DEFB107B: variants seen among roughly 807,000 people sequenced by gnomAD.
The protein encoded by DEFB107B is defensin beta 107B.
chr8:7,497,959 C>T lies in DEFB107B; in HGVS notation c.70+1956C>T, dbSNP rs1295585951. On this transcript the variant is annotated intron_variant, in intron 1 of 1. Transcript: ENST00000355602. ...TTTGGAAAAGAAAAAGACACAGAGA[C>T]AAAGTATAGAGAAAGAAATAAGGGG... is the stretch of plus-strand genomic sequence containing the variant. Among the ~76,000 whole-genome samples the T allele has an allele frequency of 1.9e-4, 4 of 21,212 alleles. 2 individuals are homozygous for T. The highest frequency in any genetic ancestry group is 7.7e-4 in the Non-Finnish European group (4 of 5,200). The allele number at this position is 21,212 out of a possible 152,430, so 13.9% of individuals were successfully genotyped here.
At chr8:7,496,603 A>G (rs1321804601) in intron 1 of DEFB107B, among the ~76,000 whole-genome samples, 7 of 144,566 alleles carry the variant, frequency 4.8e-5, no homozygotes, top group Non-Finnish European at 7.6e-5. Flanking sequence ...CCTGGCCAGC[A>G]TATTCTAAAG....
chr8:7,506,334 G>A lies in DEFB107B; in HGVS notation c.71-2747G>A, dbSNP rs1811941449. ...ACTTGTCCTCAATGACCACGCTCGA[G>A]CGTACCTTCACCCTAGAGAAAAGCC... is the stretch of plus-strand genomic sequence containing the variant. On this transcript the variant is annotated intron_variant, in intron 1 of 1. Transcript: ENST00000355602. Among the ~76,000 whole-genome samples, 2 of 16,938 alleles carry A rather than the reference G, an allele frequency of 1.2e-4. 1 individual carries two copies. The highest frequency in any genetic ancestry group is 3.6e-3 in the South Asian group (2 of 550). The allele number at this position is 16,938 out of a possible 152,430, so 11.1% of individuals were successfully genotyped here.
intron 1 of DEFB107B, among the ~76,000 whole-genome samples, chr8:7,497,410 A>C (rs1481789226): frequency 6.6e-6 from 1 of 151,834 alleles, no homozygotes; most frequent in Non-Finnish European, 1.5e-5. Context: ...AATTATAAAG[A>C]GAAGTCATAG....
Position 7,498,009 on chromosome 8 carries a change from A to G in DEFB107B, c.70+2006A>G, listed in dbSNP as rs1585541761. Reference sequence around the variant, plus strand: ...GACCCGGGGAACCAGCATTCAGCATATGGAGGATCCCGCCAGCCTCTGAGT... The same window carrying G: ...GACCCGGGGAACCAGCATTCAGCATGTGGAGGATCCCGCCAGCCTCTGAGT... On this transcript the variant is annotated intron_variant, in intron 1 of 1. Transcript: ENST00000355602. Among the ~76,000 whole-genome samples the G allele has an allele frequency of 1.0e-4, 2 of 19,480 alleles. 1 individual carries two copies. Among genetic ancestry groups the G allele is most frequent in the Non-Finnish European group, 3.9e-4 (2 of 5,064 alleles). The allele number at this position is 19,480 out of a possible 152,430, so 12.8% of individuals were successfully genotyped here.
chr8:7,497,193 A>G (rs1350839447), intron 1 of DEFB107B, among the ~76,000 whole-genome samples: 1 of 150,584 alleles, frequency 6.6e-6, no homozygotes, highest in Non-Finnish European at 1.5e-5. Context: ...TAAAACGAAG[A>G]GGTAAAAATA....
intron 1 of DEFB107B, among the ~76,000 whole-genome samples, chr8:7,503,371 A>G (rs74787406): frequency 0.26 from 5,580 of 21,176 alleles, 2,513 homozygotes; most frequent in African/African-American, 0.47. Context: ...TACCCACACC[A>G]GTTTTTCTGT....
At chr8:7,507,899 A>C (rs1271622438) in intron 1 of DEFB107B, among the ~76,000 whole-genome samples, 2 of 146,720 alleles carry the variant, frequency 1.4e-5, no homozygotes, top group Admixed American at 6.7e-5. Flanking sequence ...AAAAGTCTGA[A>C]GGTAAAACTG....
intron 1 of DEFB107B, among the ~76,000 whole-genome samples, chr8:7,496,522 G>A (rs1390944607): frequency 2.6e-5 from 4 of 151,938 alleles, no homozygotes; most frequent in South Asian, 2.1e-4. Context: ...GGATGGTCTT[G>A]ATGTCCTGAC....
intron 1 of DEFB107B, among the ~76,000 whole-genome samples, chr8:7,496,579 C>A: frequency 6.7e-6 from 1 of 148,380 alleles, no homozygotes; most frequent in Non-Finnish European, 1.5e-5. Flanking sequence ...GGATTACAGG[C>A]ATGAGCCACC....
At chr8:7,496,290 C>T (rs1281507501) in intron 1 of DEFB107B, among the ~76,000 whole-genome samples, 31 of 46,848 alleles carry the variant, frequency 6.6e-4, no homozygotes, top group Admixed American at 1.3e-3. Flanking sequence ...TCAGCATATT[C>T]TTTTTTTTTT....
At chr8:7,507,851 T>C (rs1366188624) in intron 1 of DEFB107B, among the ~76,000 whole-genome samples, 3 of 145,698 alleles carry the variant, frequency 2.1e-5, no homozygotes, top group African/African-American at 8.2e-5. Flanking sequence ...ATTAGCTAAG[T>C]ATTCATGTGT....
intron 1 of DEFB107B, among the ~76,000 whole-genome samples, chr8:7,497,383 G>A (rs574917354): frequency 5.6e-4 from 85 of 152,186 alleles, no homozygotes; most frequent in African/African-American, 2.0e-3. Context: ...GTTTTCACAA[G>A]TGCCATAAAA....
Position 7,508,232 on chromosome 8 carries a change from C to T in DEFB107B, c.71-849C>T, listed in dbSNP as rs188591206. Reference sequence around the variant, plus strand: ...CTTAATTTGAGCAGAAATCTAAGCCCCTGCAATTTCTTTCCATTAGTCTTT... The same window carrying T: ...CTTAATTTGAGCAGAAATCTAAGCCTCTGCAATTTCTTTCCATTAGTCTTT... On this transcript the variant is annotated intron_variant, in intron 1 of 1. Transcript: ENST00000355602. Among the ~76,000 whole-genome samples the T allele has an allele frequency of 1.2e-3, 163 of 141,708 alleles. 1 individual carries two copies. Among genetic ancestry groups the T allele is most frequent in the Non-Finnish European group, 1.6e-3 (106 of 66,396 alleles). The allele number at this position is 141,708 out of a possible 152,430, so 93.0% of individuals were successfully genotyped here. A position where few individuals can be genotyped will look rare whatever the true frequency, so the allele number is the denominator to read the frequency against.
chr8:7,507,712 AG>A (rs1274629026), intron 1 of DEFB107B, among the ~76,000 whole-genome samples: 2 of 130,992 alleles, frequency 1.5e-5, no homozygotes, highest in Non-Finnish European at 3.1e-5. Flanking sequence ...ATATTCTAAC[AG>A]GCAGGGTTAG....
At chr8:7,496,591 C>T (rs1434136782) in intron 1 of DEFB107B, among the ~76,000 whole-genome samples, 31 of 146,832 alleles carry the variant, frequency 2.1e-4, no homozygotes, top group South Asian at 1.1e-3. Context: ...TGAGCCACCG[C>T]GCCTGGCCAG....
chr8:7,496,290 CTT>C (rs1171104972), intron 1 of DEFB107B, among the ~76,000 whole-genome samples: 7 of 46,868 alleles, frequency 1.5e-4, no homozygotes, highest in African/African-American at 7.6e-4. Flanking sequence ...TCAGCATATT[CTT>C]TTTTTTTTTT....
chr8:7,497,577 T>G (rs1811801791), intron 1 of DEFB107B, among the ~76,000 whole-genome samples: 1 of 152,140 alleles, frequency 6.6e-6, no homozygotes, highest in Non-Finnish European at 1.5e-5. Context: ...AAGTCTCAGT[T>G]GTAAAATCAG....
intron 1 of DEFB107B, among the ~76,000 whole-genome samples, chr8:7,507,507 G>GTTTC (rs1811965292): frequency 1.1e-5 from 1 of 88,050 alleles, no homozygotes; most frequent in Non-Finnish European, 2.2e-5. Context: ...AAACTAACTT[G>GTTTC]TTATAATAAA....
chr8:7,499,260 C>T lies in DEFB107B; in HGVS notation c.70+3257C>T, dbSNP rs1185662871. Among the ~76,000 whole-genome samples, 4 of 24,578 alleles carry T rather than the reference C, an allele frequency of 1.6e-4. 1 individual carries two copies. The highest frequency in any genetic ancestry group is 3.2e-4 in the Non-Finnish European group (2 of 6,342). The allele number at this position is 24,578 out of a possible 152,430, so 16.1% of individuals were successfully genotyped here. ...ATTCCAGTCACACTGTAACTGGAAA[C>T]GATGTTCTAAGCTCATGAGTCTGTC... On this transcript the variant is annotated intron_variant, in intron 1 of 1. Coordinates refer to ENST00000355602, the MANE Select transcript of DEFB107B (RefSeq NM_001040705.2).
Sources: gnomAD v4.1 joint callset for allele counts (sites outside exome capture counted in the v4.1 genomes callset) on GRCh38, gnomAD v4.1.1 for gene constraint, MANE v1.5 for transcripts, NCBI Gene and HGNC (gene_info 2026-07-23, HGNC 2026-07-21) for gene names.